The following SIK2 variants were observed in gnomAD, a reference collection of about 807,000 sequenced individuals.
SIK2 encodes the protein serine/threonine-protein kinase SIK2.
A neutral mutation model predicts 103.2 loss-of-function variants in SIK2; 29 were observed. The ratio of observed to expected loss-of-function variants is 0.28; its 90% confidence interval spans 0.21 to 0.38. The LOEUF is 0.38. SIK2 is among the 10% of genes least tolerant of loss of function. The pLI is 1.00. For missense variants in SIK2, 879 were observed against 1,171.0 expected, an observed-to-expected ratio of 0.75 and a Z score of 3.64; for synonymous variants, 412 against 446.1, an observed-to-expected ratio of 0.92 and a Z score of 0.96.
At chr11:111,712,528 C>G (rs1943529260) in intron 9 of SIK2, among the ~76,000 whole-genome samples, 153 bp downstream of exon 9, 2 of 152,156 alleles carry the variant, frequency 1.3e-5, no homozygotes, top group African/African-American at 2.4e-5. Flanking sequence ...AGAACAGTGT[C>G]CAGGCTCAAC....
rs765252862 is a variant in SIK2 at position 111,703,221 on chromosome 11, G to A, written c.746G>A (p.Arg249Gln). The A allele has an allele frequency of 3.1e-6, 5 of 1,613,928 alleles. No individual in the cohort carries two copies. Among genetic ancestry groups the A allele is most frequent in the African/African-American group, 1.3e-5 (1 of 74,908 alleles). Reference sequence around the variant, plus strand: ...TCTATAGATTGCGAGCACCTTATCCGAAGGATGTTGGTCCTAGACCCATCC... The same window carrying A: ...TCTATAGATTGCGAGCACCTTATCCAAAGGATGTTGGTCCTAGACCCATCC... The part of the protein sequence containing the change: ...FMSEDCEHLI[R>Q]RMLVLDPSKR... Residue 249 changes from arginine (R) to glutamine (Q), a missense_variant, in exon 7 of 15, where the codon CGA becomes CAA. Physicochemically the swap from Arg to Gln is conservative, Grantham distance 43. Transcript: ENST00000304987.
chr11:111,644,534 A>C (rs1942230321), intron 3 of SIK2, among the ~76,000 whole-genome samples: 1 of 152,054 alleles, frequency 6.6e-6, no homozygotes, highest in Non-Finnish European at 1.5e-5. Context: ...GTTTTGGAAA[A>C]TTTAAATTTG....
chr11:111,721,133 T>C, intron 12 of SIK2, 71 bp downstream of exon 12: 1 of 1,508,112 alleles, frequency 6.6e-7, no homozygotes, highest in Non-Finnish European at 8.9e-7. Flanking sequence ...AAGATGGTCA[T>C]TTTCACTTAG....
In SIK2 at chr11:111,728,130, A is replaced by G. The variant is rs1944036638; in HGVS notation, c.*4001A>G. On this transcript the variant is annotated 3_prime_UTR_variant, in exon 15 of 15. Transcript: ENST00000304987. ...TGACCTGCTACACTCAAACTCCTAA[A>G]CTGGGCTGCCTCTAACTGCCTCCTG... 6.6e-6 allele frequency: 1 copy of G among 151,838 alleles called. No individual in the cohort carries two copies. Among genetic ancestry groups the G allele is most frequent in the Non-Finnish European group, 1.5e-5 (1 of 67,986 alleles). The allele number at this position is 151,838 out of a possible 1,614,324, so 9.4% of individuals were successfully genotyped here.
intron 12 of SIK2, 57 bp from the exon 13 acceptor site, chr11:111,721,773 C>T (rs1318632544): frequency 6.5e-6 from 9 of 1,389,364 alleles, no homozygotes; most frequent in Non-Finnish European, 6.9e-6. Context: ...CAGCTAAGAA[C>T]TGAGACGTTT....
rs1214931441 is a variant in SIK2, at chr11:111,729,819, G to A, written c.*5690G>A. On this transcript the variant is annotated 3_prime_UTR_variant, in exon 15 of 15. Transcript: ENST00000304987. ...AGGTGGCCGTGCACTGAACCAGGCT[G>A]AGGGAGACAAAAACCCCGCAGACCC... is the stretch of plus-strand genomic sequence containing the variant. The A allele has an allele frequency of 6.6e-6, 1 of 152,306 alleles. No individual in the cohort carries two copies. Among genetic ancestry groups the A allele is most frequent in the African/African-American group, 2.4e-5 (1 of 41,482 alleles). 9.4% of individuals were successfully genotyped at this position (152,306 alleles called of 1,614,324 possible).
At chr11:111,690,859 T>C (rs1435229681) in intron 4 of SIK2, among the ~76,000 whole-genome samples, 4 of 152,218 alleles carry the variant, frequency 2.6e-5, no homozygotes, top group Admixed American at 6.5e-5. Context: ...CAGTCTATCA[T>C]TGACAGGCAT....
rs200630295 is a variant in SIK2, at chr11:111,649,569, A to G, written c.316+29167A>G. 2.6e-5 allele frequency among the ~76,000 whole-genome samples: 4 copies of G among 152,274 alleles called. No homozygotes were observed. The East Asian group carries it at 7.7e-4, about 29-fold the overall frequency. Reference sequence around the variant, plus strand: ...CTCTATTATGTACTTGGGTAGTTACATTATCTACTTGGGGCTAATAATGCT... The same window carrying G: ...CTCTATTATGTACTTGGGTAGTTACGTTATCTACTTGGGGCTAATAATGCT... On this transcript the variant is annotated intron_variant, in intron 3 of 14. Coordinates refer to ENST00000304987, the MANE Select transcript of SIK2 (RefSeq NM_015191.3).
chr11:111,702,021 A>C (rs1028798359), intron 6 of SIK2, among the ~76,000 whole-genome samples: 2 of 152,212 alleles, frequency 1.3e-5, no homozygotes, highest in African/African-American at 4.8e-5. Context: ...TGTTACCTAG[A>C]TAGCAGTTAA....
intron 3 of SIK2, among the ~76,000 whole-genome samples, chr11:111,665,959 C>T (rs1436066916): frequency 3.9e-5 from 6 of 152,160 alleles, no homozygotes; most frequent in South Asian, 4.1e-4. Flanking sequence ...ACTAGACCAC[C>T]GTTAAGGGTC....
At chr11:111,664,488 C>T (rs4382943) in intron 3 of SIK2, among the ~76,000 whole-genome samples, 93,175 of 151,984 alleles carry the variant, frequency 0.61, 31,481 homozygotes, top group East Asian at 0.96. Context: ...TGGTGGCACA[C>T]GCCTGTAGTC....
chr11:111,651,447 C>T (rs1942324812), intron 3 of SIK2, among the ~76,000 whole-genome samples: 1 of 152,118 alleles, frequency 6.6e-6, no homozygotes, highest in Admixed American at 6.6e-5. Context: ...AGCCAAACAC[C>T]ACATGTTCTC....
chr11:111,685,067 G>T (rs1942827461), intron 3 of SIK2, among the ~76,000 whole-genome samples: 1 of 152,230 alleles, frequency 6.6e-6, no homozygotes, highest in Non-Finnish European at 1.5e-5. Flanking sequence ...CTTAAATGAA[G>T]TTGTCTTTAA....
intron 3 of SIK2, among the ~76,000 whole-genome samples, chr11:111,625,759 A>C (rs1941953637): frequency 6.6e-6 from 1 of 152,172 alleles, no homozygotes; most frequent in Non-Finnish European, 1.5e-5. Flanking sequence ...AAATGGAGAG[A>C]GCAAAATAGA....
intron 3 of SIK2, among the ~76,000 whole-genome samples, chr11:111,643,999 G>A (rs534898717): frequency 2.8e-4 from 43 of 151,548 alleles, no homozygotes; most frequent in Admixed American, 6.6e-4. Flanking sequence ...AAGAAAGAAA[G>A]AAAAGAGGCC....
At chr11:111,683,832 G>T (rs1942808996) in intron 3 of SIK2, among the ~76,000 whole-genome samples, 1 of 152,156 alleles carries the variant, frequency 6.6e-6, no homozygotes, top group South Asian at 2.1e-4. Flanking sequence ...CTTGAGCTTG[G>T]ATTGTGTTCC....
intron 3 of SIK2, among the ~76,000 whole-genome samples, chr11:111,669,371 A>G (rs1242410141): frequency 6.6e-6 from 1 of 152,182 alleles, no homozygotes; most frequent in African/African-American, 2.4e-5. Context: ...AACTTTATGG[A>G]ATTGTGTTTA....
chr11:111,683,695 G>T (rs1383354200), intron 3 of SIK2, among the ~76,000 whole-genome samples: 1 of 151,962 alleles, frequency 6.6e-6, no homozygotes, highest in Non-Finnish European at 1.5e-5. Flanking sequence ...CAGGTGATCC[G>T]CCCGCCTCAG....
intron 3 of SIK2, among the ~76,000 whole-genome samples, chr11:111,622,663 A>T (rs927115967): frequency 6.6e-6 from 1 of 152,146 alleles, no homozygotes; most frequent in African/African-American, 2.4e-5. Flanking sequence ...TTTTTGAAAG[A>T]TATTTGTACT....
Sources: allele counts gnomAD v4.1 joint callset (sites outside exome capture counted in the v4.1 genomes callset), GRCh38; gene constraint gnomAD v4.1.1; transcripts MANE v1.5; gene names NCBI Gene and HGNC (gene_info 2026-07-23, HGNC 2026-07-21).